ZNF385C: variants seen among roughly 807,000 people sequenced by gnomAD.
The protein encoded by ZNF385C is CTD-2132N18.2.
A neutral mutation model predicts 35.4 loss-of-function variants in ZNF385C; 28 were observed. That is an observed-to-expected ratio of 0.79 (90% CI 0.59 to 1.08). The LOEUF (loss-of-function observed/expected upper bound fraction) is 1.08. ZNF385C is among the 50% of genes least tolerant of loss of function. ZNF385C has a pLI of 0.00. For synonymous variants in ZNF385C, 248 were observed against 248.2 expected, an observed-to-expected ratio of 1.00 and a Z score of 0.01; for missense variants, 605 against 595.6, an observed-to-expected ratio of 1.02 and a Z score of -0.16.
chr17:42,060,864 C>T (rs2053450001), intron 2 of ZNF385C, among the ~76,000 whole-genome samples: 1 of 151,726 alleles, frequency 6.6e-6, no homozygotes. Context: ...TACAGGTGCT[C>T]ACCACCACAC....
intron 1 of ZNF385C, among the ~76,000 whole-genome samples, chr17:42,084,748 C>G (rs1321301236): frequency 6.6e-6 from 1 of 151,976 alleles, no homozygotes; most frequent in Non-Finnish European, 1.5e-5. Context: ...GTAGCTTTGA[C>G]TACAGGCATA....
chr17:42,092,722 T>C (rs2053875672), intron 1 of ZNF385C, among the ~76,000 whole-genome samples: 1 of 152,202 alleles, frequency 6.6e-6, no homozygotes. Flanking sequence ...TCCCAGTGCC[T>C]TTTCCTGGCA....
chr17:42,089,698 TCA>T (rs1285564224), intron 1 of ZNF385C, among the ~76,000 whole-genome samples: 1 of 152,166 alleles, frequency 6.6e-6, no homozygotes, highest in Non-Finnish European at 1.5e-5. Flanking sequence ...ACCCAGTCAA[TCA>T]CACAATGGCA....
rs143727854 is a variant in ZNF385C at position 42,078,053 on chromosome 17, G to A, written c.-2-14995C>T. On this transcript the variant is annotated intron_variant, in intron 1 of 8. Transcript: ENST00000692273. ...TCCCCCAGTGGAAACCGGGACAGTTGTCCTTCACAGTGACCGGGACATAAA... is the reference window on the plus strand; with the variant it reads ...TCCCCCAGTGGAAACCGGGACAGTTATCCTTCACAGTGACCGGGACATAAA... Among the ~76,000 whole-genome samples the A allele has an allele frequency of 1.8e-4, 28 of 152,316 alleles. No homozygotes were observed. In the East Asian group the frequency reaches 5.4e-3, roughly 29 times the overall value.
chr17:42,051,183 G>T (rs1555657090), intron 2 of ZNF385C, among the ~76,000 whole-genome samples: 1 of 151,802 alleles, frequency 6.6e-6, no homozygotes. Context: ...GGCTCTAGGG[G>T]AATGCTGGGG....
chr17:42,089,174 G>A (rs1333485017), intron 1 of ZNF385C, among the ~76,000 whole-genome samples: 2 of 151,986 alleles, frequency 1.3e-5, no homozygotes, highest in Admixed American at 6.6e-5. Flanking sequence ...AAATTAGCTG[G>A]GTGTGGTGGT....
At chr17:42,057,446 C>T (rs80000789) in intron 2 of ZNF385C, among the ~76,000 whole-genome samples, 2 of 151,400 alleles carry the variant, frequency 1.3e-5, no homozygotes, top group Non-Finnish European at 2.9e-5. Context: ...GGACAGCAAA[C>T]CTCTGTCTCT....
chr17:42,045,820 T>C (rs2053148287), intron 2 of ZNF385C, among the ~76,000 whole-genome samples: 1 of 152,200 alleles, frequency 6.6e-6, no homozygotes, highest in South Asian at 2.1e-4. Flanking sequence ...TTTCCACCTC[T>C]TTACTGATAT....
chr17:42,082,703 T>G (rs1598204357), intron 1 of ZNF385C, among the ~76,000 whole-genome samples: 1 of 151,526 alleles, frequency 6.6e-6, no homozygotes, highest in African/African-American at 2.4e-5. Context: ...GAGGCTGAGG[T>G]AGGAGGATTG....
At chr17:42,039,634 G>C in intron 2 of ZNF385C, 1 of 1,198,952 alleles carries the variant, frequency 8.3e-7, no homozygotes, top group Non-Finnish European at 1.0e-6. Context: ...GGTGCAGCAT[G>C]GTCAAGTCTA....
Position 42,028,769 on chromosome 17 carries a change from C to T in ZNF385C, c.967+14G>A, listed in dbSNP as rs534437834. 4.5e-6 allele frequency: 7 copies of T among 1,541,846 alleles called. No homozygotes were observed. In the East Asian group the frequency reaches 1.5e-4, roughly 32 times the overall value. On this transcript the variant is annotated intron_variant, in intron 6 of 8. Transcript: ENST00000692273. ...CCACCCTTTCCCTGGGCTCCAGCTCCTGGGACTACTGACCTGTGTTGTGAG... is the reference window on the plus strand; with the variant it reads ...CCACCCTTTCCCTGGGCTCCAGCTCTTGGGACTACTGACCTGTGTTGTGAG...
At chr17:42,035,831 GGTGTGAGCCACC>G (rs1555655393) in intron 3 of ZNF385C, among the ~76,000 whole-genome samples, 1 of 152,064 alleles carries the variant, frequency 6.6e-6, no homozygotes. Context: ...TGGAATTACA[GGTGTGAGCCACC>G]GTGCCCAGCC....
intron 5 of ZNF385C, among the ~76,000 whole-genome samples, chr17:42,029,731 C>A (rs12935913): frequency 0.03 from 4,469 of 150,096 alleles, 236 homozygotes; most frequent in African/African-American, 0.1. Flanking sequence ...AACAAACAAA[C>A]AAAAAAAACA....
At position 42,027,689 on chromosome 17, in the gene ZNF385C, T is replaced by C. The variant is rs1024924082; in HGVS notation, c.1204A>G (p.Lys402Glu). The C allele has an allele frequency of 1.2e-6, 2 of 1,612,752 alleles. No individual in the cohort carries two copies. The highest frequency in any genetic ancestry group is 1.7e-6 in the Non-Finnish European group (2 of 1,179,574). The change falls in exon 8 of 9, where the codon AAG becomes GAG. Residue 402 changes from lysine (K) to glutamate (E), a missense_variant. Coordinates refer to ENST00000692273, the MANE Select transcript of ZNF385C (RefSeq NM_001392013.1). ...SRRHKDRLAG[K>E]TPKPSSQHSK... ...TGCTGGCTGGAGGGCTTGGGGGTCTTCCCGGCCAGGCGGTCTTTGTGCCTC... is the reference window on the plus strand; with the variant it reads ...TGCTGGCTGGAGGGCTTGGGGGTCTCCCCGGCCAGGCGGTCTTTGTGCCTC...
intron 1 of ZNF385C, among the ~76,000 whole-genome samples, chr17:42,067,837 T>A (rs2053570025): frequency 6.6e-6 from 1 of 152,124 alleles, no homozygotes; most frequent in Non-Finnish European, 1.5e-5. Flanking sequence ...TTCAGAGGAA[T>A]GAGATTTTCC....
At chr17:42,038,186 A>G in intron 2 of ZNF385C, 1 of 938,328 alleles carries the variant, frequency 1.1e-6, no homozygotes, top group Non-Finnish European at 1.6e-6. Flanking sequence ...AGAGGGACAG[A>G]GGGGTCTGGG....
rs1424347869 is a variant in ZNF385C at position 42,084,172 on chromosome 17, C to T, written c.-3+14238G>A. Among the ~76,000 whole-genome samples the T allele has an allele frequency of 2.0e-5, 3 of 150,972 alleles. No homozygotes were observed. The East Asian group carries it at 5.8e-4, about 29-fold the overall frequency. ...TAGTCTGTGCTGAACATATCAAGAC[C>T]TCATATCTGAAAAAAAAAAAAATAG... On this transcript the variant is annotated intron_variant, in intron 1 of 8. Transcript: ENST00000692273.
intron 2 of ZNF385C, among the ~76,000 whole-genome samples, chr17:42,053,646 G>T (rs112627862): frequency 6.6e-6 from 1 of 152,084 alleles, no homozygotes; most frequent in Admixed American, 6.5e-5. Flanking sequence ...CTTTGTTCTC[G>T]GCCAGAGTGG....
intron 2 of ZNF385C, chr17:42,062,163 G>C (rs2053471849): frequency 6.5e-6 from 1 of 152,914 alleles, no homozygotes; most frequent in African/African-American, 2.4e-5. Context: ...ACAGCAGCCT[G>C]GGTGGTTCTT....
Sources: gnomAD v4.1 joint callset for allele counts (sites outside exome capture counted in the v4.1 genomes callset) on GRCh38, gnomAD v4.1.1 for gene constraint, MANE v1.5 for transcripts, NCBI Gene and HGNC (gene_info 2026-07-23, HGNC 2026-07-21) for gene names.